Variants in CDH18 observed in about 807,000 individuals in gnomAD.
The protein encoded by CDH18 is cadherin 18, also known as cadherin-18.
Under a neutral mutation model 67.9 loss-of-function variants are expected in CDH18, and 31 were observed. The observed-to-expected ratio is 0.46, with a 90% CI of 0.34 to 0.62. The LOEUF is 0.62. Ranked by LOEUF, CDH18 falls within the 20% of genes least tolerant of loss-of-function variation. The probability of loss-of-function intolerance (pLI) is 0.01; values close to 1 mark genes in which losing one functional copy is unlikely to be tolerated. For missense variants in CDH18, 890 were observed against 975.5 expected, an observed-to-expected ratio of 0.91 and a Z score of 1.17; for synonymous variants, 362 against 347.2, an observed-to-expected ratio of 1.04 and a Z score of -0.48.
At chr5:19,809,151 T>C (rs1330071884) in intron 3 of CDH18, among the ~76,000 whole-genome samples, 1 of 152,074 alleles carries the variant, frequency 6.6e-6, no homozygotes, top group Non-Finnish European at 1.5e-5. Flanking sequence ...AAATGGTATA[T>C]AAAAATTCAA....
chr5:19,998,374 A>C (rs182264728), intron 2 of CDH18, among the ~76,000 whole-genome samples: 1 of 152,278 alleles, frequency 6.6e-6, no homozygotes, highest in South Asian at 2.1e-4. Flanking sequence ...AGCAAGGGAC[A>C]ATTCCAGGCT....
At chr5:19,820,590 T>C (rs1017045261) in intron 3 of CDH18, among the ~76,000 whole-genome samples, 1 of 152,132 alleles carries the variant, frequency 6.6e-6, no homozygotes. Flanking sequence ...TGTCCCCTGG[T>C]GGACTAACCT....
At position 20,496,987 on chromosome 5, in the gene CDH18, G is replaced by A. The variant is rs546477777; in HGVS notation, c.-580+78475C>T. On this transcript the variant is annotated intron_variant, in intron 1 of 14. Coordinates refer to the CDH18 transcript ENST00000507958. Reference sequence around the variant, plus strand: ...GTGGAGGGTGGGGCAAAATTGTTCAGTGTGGCCCCACAGAGAAGGTGATGT... The same window carrying A: ...GTGGAGGGTGGGGCAAAATTGTTCAATGTGGCCCCACAGAGAAGGTGATGT... 5.9e-5 allele frequency among the ~76,000 whole-genome samples: 9 copies of A among 152,208 alleles called. No homozygotes were observed. The South Asian group carries it at 1.9e-3, about 32-fold the overall frequency.
intron 5 of CDH18, among the ~76,000 whole-genome samples, chr5:19,625,960 C>T (rs1751477832): frequency 6.6e-6 from 1 of 152,070 alleles, no homozygotes; most frequent in African/African-American, 2.4e-5. Context: ...TGTTACTCAC[C>T]CTTAAAAGCA....
intron 8 of CDH18, among the ~76,000 whole-genome samples, chr5:19,550,246 T>A (rs966513988): frequency 6.6e-6 from 1 of 152,160 alleles, no homozygotes; most frequent in African/African-American, 2.4e-5. Flanking sequence ...TGTTAGACTT[T>A]AGTAGTAAAC....
intron 1 of CDH18, among the ~76,000 whole-genome samples, chr5:20,501,395 C>A (rs1754238541): frequency 7.1e-6 from 1 of 140,856 alleles, no homozygotes; most frequent in African/African-American, 2.6e-5. Flanking sequence ...TTACCAAATC[C>A]TAAAATATAT....
At chr5:19,587,964 G>A (rs979850133) in intron 7 of CDH18, among the ~76,000 whole-genome samples, 1 of 151,832 alleles carries the variant, frequency 6.6e-6, no homozygotes, top group Non-Finnish European at 1.5e-5. Context: ...TGATTTCTTT[G>A]AGCAGTGGTT....
chr5:19,797,133 C>T (rs1387863691), intron 3 of CDH18, among the ~76,000 whole-genome samples: 1 of 151,656 alleles, frequency 6.6e-6, no homozygotes, highest in Non-Finnish European at 1.5e-5. Flanking sequence ...CTGTATGCTG[C>T]TTTTAAAAAA....
chr5:20,239,883 T>G (rs909467757), intron 2 of CDH18, among the ~76,000 whole-genome samples: 1 of 151,866 alleles, frequency 6.6e-6, no homozygotes, highest in Admixed American at 6.6e-5. Context: ...TGCACACATG[T>G]TATGAGGTAA....
intron 2 of CDH18, among the ~76,000 whole-genome samples, chr5:20,189,898 A>G (rs1738405268): frequency 6.6e-6 from 1 of 152,176 alleles, no homozygotes; most frequent in South Asian, 2.1e-4. Flanking sequence ...TGGCCTGTGC[A>G]GATCTAATTT....
chr5:19,952,084 T>C (rs1050950228), intron 2 of CDH18, among the ~76,000 whole-genome samples: 2 of 152,196 alleles, frequency 1.3e-5, no homozygotes, highest in African/African-American at 4.8e-5. Flanking sequence ...AGTCTCACTC[T>C]GTCACCCAGG....
chr5:20,308,709 T>G (rs1402807778), intron 1 of CDH18, among the ~76,000 whole-genome samples: 1 of 152,186 alleles, frequency 6.6e-6, no homozygotes, highest in East Asian at 1.9e-4. Context: ...GCCAAAACAT[T>G]ACATGTTTAT....
intron 3 of CDH18, among the ~76,000 whole-genome samples, chr5:19,819,602 C>T (rs759842651): frequency 5.9e-5 from 9 of 152,058 alleles, no homozygotes; most frequent in Non-Finnish European, 1.0e-4. Flanking sequence ...TAGGTGGGAT[C>T]CCAGCTACAA....
At chr5:20,030,097 A>G (rs1472553340) in intron 2 of CDH18, among the ~76,000 whole-genome samples, 9 of 152,180 alleles carry the variant, frequency 5.9e-5, no homozygotes, top group African/African-American at 2.2e-4. Context: ...TTAAAGAACT[A>G]TCCTATTGCA....
At chr5:19,638,106 T>G (rs745307385) in intron 5 of CDH18, among the ~76,000 whole-genome samples, 9 of 152,244 alleles carry the variant, frequency 5.9e-5, no homozygotes, top group African/African-American at 9.6e-5. Context: ...ATACCTTATA[T>G]GAATGCTTAT....
intron 1 of CDH18, among the ~76,000 whole-genome samples, chr5:20,513,989 T>C (rs1259460956): frequency 2.0e-5 from 3 of 152,172 alleles, no homozygotes; most frequent in South Asian, 2.1e-4. Flanking sequence ...AAATGCACTA[T>C]GATATTCCCA....
intron 2 of CDH18, among the ~76,000 whole-genome samples, chr5:20,090,041 C>T (rs1198430769): frequency 6.6e-6 from 1 of 151,840 alleles, no homozygotes; most frequent in Non-Finnish European, 1.5e-5. Context: ...TTAAATATAG[C>T]CCTTGGGTAG....
chr5:19,917,607 T>G (rs55875749), intron 2 of CDH18, among the ~76,000 whole-genome samples: 1 of 152,074 alleles, frequency 6.6e-6, no homozygotes, highest in Non-Finnish European at 1.5e-5. Flanking sequence ...TATATAAAGA[T>G]AGCAAGTGGT....
At chr5:20,353,372 A>C (rs1208168300) in intron 1 of CDH18, among the ~76,000 whole-genome samples, 2 of 152,204 alleles carry the variant, frequency 1.3e-5, no homozygotes, top group African/African-American at 4.8e-5. Context: ...ATAAATTATT[A>C]ATAAGATGTT....
Sources: allele counts gnomAD v4.1 joint callset (sites outside exome capture counted in the v4.1 genomes callset), GRCh38; gene constraint gnomAD v4.1.1; transcripts MANE v1.5; gene names NCBI Gene and HGNC (gene_info 2026-07-23, HGNC 2026-07-21).